The following ESR2 variants were observed in gnomAD, a reference collection of about 807,000 sequenced individuals.
ESR2 encodes the protein estrogen receptor 2.
ESR2 carries 36 observed loss-of-function variants against 49.6 expected under a neutral mutation model. That is an observed-to-expected ratio of 0.73 (90% CI 0.56 to 0.96). ESR2 has a LOEUF of 0.96. Ranked by LOEUF, ESR2 falls within the 40% of genes least tolerant of loss-of-function variation. ESR2 has a pLI of 0.00. For synonymous variants in ESR2, 320 were observed against 266.1 expected, an observed-to-expected ratio of 1.20 and a Z score of -1.97; for missense variants, 714 against 693.0, an observed-to-expected ratio of 1.03 and a Z score of -0.34.
chr14:64,279,910 A>G, intron 3 of ESR2, 71 bp downstream of exon 3: 1 of 1,300,486 alleles, frequency 7.7e-7, no homozygotes. Context: ...CATTTCTGCC[A>G]AGTCATCTCT....
At chr14:64,246,424 T>C (rs2075857168) in intron 7 of ESR2, among the ~76,000 whole-genome samples, 1 of 152,118 alleles carries the variant, frequency 6.6e-6, no homozygotes, top group African/African-American at 2.4e-5. Context: ...CTCTTCACTT[T>C]CCGCCATTAT....
At chr14:64,241,474 ATCAAT>A (rs2075727875) in intron 7 of ESR2, among the ~76,000 whole-genome samples, 1 of 152,212 alleles carries the variant, frequency 6.6e-6, no homozygotes, top group African/African-American at 2.4e-5. Flanking sequence ...GAATCAGCTT[ATCAAT>A]TTCTACCAAA....
At chr14:64,234,784 G>GA in intron 8 of ESR2, 186 bp downstream of exon 8, 1 of 1,305,270 alleles carries the variant, frequency 7.7e-7, no homozygotes, top group Non-Finnish European at 1.0e-6. Context: ...GATACCACAT[G>GA]ACATTCCTTC....
chr14:64,284,999 G>A lies in ESR2; in HGVS notation c.-90-1924C>T, dbSNP rs542928231. ...CGAGTAGCTGGGATTATAGGCGCCCGCCACCACGCCCAGCTAACTTTTTGT... is the reference window on the plus strand; with the variant it reads ...CGAGTAGCTGGGATTATAGGCGCCCACCACCACGCCCAGCTAACTTTTTGT... On this transcript the variant is annotated intron_variant, in intron 1 of 8. Transcript: ENST00000341099. 3.1e-3 allele frequency among the ~76,000 whole-genome samples: 471 copies of A among 152,018 alleles called. 1 individual carries two copies. Among genetic ancestry groups the A allele is most frequent in the African/African-American group, 0.011 (449 of 41,464 alleles).
At position 64,282,570 on chromosome 14, in the gene ESR2, A is replaced by G. The variant is rs533187797; in HGVS notation, c.362+54T>C. ...ATTATTTCCTTCTCACTCAACCATAAAGTGATTTGAGAAATGGCTAGCAAC... is the reference window on the plus strand; with the variant it reads ...ATTATTTCCTTCTCACTCAACCATAGAGTGATTTGAGAAATGGCTAGCAAC... On this transcript the variant is annotated intron_variant, in intron 2 of 8. Transcript: ENST00000341099. 24 of 1,512,912 alleles carry G rather than the reference A, an allele frequency of 1.6e-5. No individual in the cohort carries two copies. The African/African-American group carries it at 2.6e-4, about 17-fold the overall frequency. 93.7% of individuals were successfully genotyped at this position (1,512,912 alleles called of 1,614,324 possible).
chr14:64,276,412 T>C (rs59216189), intron 3 of ESR2, among the ~76,000 whole-genome samples: 14,118 of 152,216 alleles, frequency 0.093, 1,478 homozygotes, highest in African/African-American at 0.25. Flanking sequence ...AACCAAAAGA[T>C]ACTATACATC....
chr14:64,234,854 C>T, intron 8 of ESR2, 116 bp downstream of exon 8: 2 of 1,509,208 alleles, frequency 1.3e-6, no homozygotes. Context: ...TTCCCCATTC[C>T]CTTTCAGGCA....
chr14:64,233,263 G>A lies in ESR2; in HGVS notation c.1467C>T (p.Asp489=). The change falls in exon 9 of 9, where the codon GAC becomes GAT. Residue 489 remains aspartate, a synonymous_variant. Transcript: ENST00000341099. ...GGGCATTCAGCATCTCCAGCAGCAGGTCATACACTGGGACCACATTTTTGC... is the reference window on the plus strand; with the variant it reads ...GGGCATTCAGCATCTCCAGCAGCAGATCATACACTGGGACCACATTTTTGC... The part of the protein sequence containing the change: ...MKCKNVVPVY[D]LLLEMLNAHV... The A allele has an allele frequency of 6.2e-7, 1 of 1,614,184 alleles. No individual in the cohort carries two copies. Among genetic ancestry groups the A allele is most frequent in the South Asian group, 1.1e-5 (1 of 91,076 alleles).
At chr14:64,271,019 CTTATA>C (rs899023042) in intron 3 of ESR2, among the ~76,000 whole-genome samples, 11 of 152,168 alleles carry the variant, frequency 7.2e-5, no homozygotes, top group African/African-American at 2.4e-4. Context: ...TTCTATTACA[CTTATA>C]TTATTAACTA....
At chr14:64,296,980 GATT>G (rs1191854420), upstream of ESR2, among the ~76,000 whole-genome samples, 25 of 152,236 alleles carry the variant, frequency 1.6e-4, no homozygotes, top group Middle Eastern at 3.4e-3. Context: ...ATGATGAAGG[GATT>G]ATTCTTGAGG....
rs2077472882 is a variant in ESR2, at chr14:64,332,538, C to CGCCTGA, written c.-91+5359_-91+5360insTCAGGC. ...TACTGTAACCAGGCACGGTGGCTCA[C>CGCCTGA]GCCTGTAATCCCAGCACTTTGGGAG... On this transcript the variant is annotated intron_variant, in intron 1 of 8. Transcript: ENST00000358599. 2.0e-5 allele frequency among the ~76,000 whole-genome samples: 3 copies of CGCCTGA among 152,102 alleles called. No individual in the cohort carries two copies. In the South Asian group the frequency reaches 6.2e-4, roughly 32 times the overall value.
At chr14:64,255,489 G>C (rs2076080826) in intron 6 of ESR2, among the ~76,000 whole-genome samples, 1 of 152,184 alleles carries the variant, frequency 6.6e-6, no homozygotes. Context: ...CTGTTCTGCA[G>C]AATGTGCTCT....
At position 64,291,963 on chromosome 14, in the gene ESR2, G is replaced by C. The variant is rs146356501; in HGVS notation, c.-91+2070C>G. ...AAAGAATGATGCATTCTATTAATAT[G>C]ATATAAATAACTTTTAATGGCCTTG... On this transcript the variant is annotated intron_variant, in intron 1 of 8. Coordinates refer to ENST00000341099, the MANE Select transcript of ESR2 (RefSeq NM_001437.3). 1.3e-3 allele frequency among the ~76,000 whole-genome samples: 201 copies of C among 152,034 alleles called. 7 individuals are homozygous for C. In the East Asian group the frequency reaches 0.029, roughly 22 times the overall value.
intron 7 of ESR2, among the ~76,000 whole-genome samples, chr14:64,235,532 G>A (rs2075578464): frequency 6.6e-6 from 1 of 152,230 alleles, no homozygotes. Context: ...CCCCACGGAG[G>A]GCTCCCCATC....
chr14:64,264,178 A>T (rs529039378), intron 4 of ESR2, among the ~76,000 whole-genome samples: 1 of 152,322 alleles, frequency 6.6e-6, no homozygotes, highest in East Asian at 1.9e-4. Context: ...TACACCCATC[A>T]TTATGTTTAT....
At chr14:64,283,677 G>A (rs2076727372) in intron 1 of ESR2, among the ~76,000 whole-genome samples, 1 of 148,182 alleles carries the variant, frequency 6.7e-6, no homozygotes, top group African/African-American at 2.5e-5. Flanking sequence ...AAGCCCAGGA[G>A]GCAGAGGTTG....
chr14:64,245,939 A>T (rs2075847099), intron 7 of ESR2, among the ~76,000 whole-genome samples: 1 of 152,242 alleles, frequency 6.6e-6, no homozygotes, highest in Admixed American at 6.5e-5. Flanking sequence ...GTACTCTTCA[A>T]GCAGATCCTC....
At chr14:64,325,086 T>C (rs933975620) in intron 1 of ESR2, among the ~76,000 whole-genome samples, 3 of 152,164 alleles carry the variant, frequency 2.0e-5, no homozygotes, top group African/African-American at 7.2e-5. Flanking sequence ...TATTGACAAA[T>C]GCATTTCCAA....
intron 1 of ESR2, among the ~76,000 whole-genome samples, chr14:64,284,821 T>C (rs1044751417): frequency 6.6e-6 from 1 of 151,942 alleles, no homozygotes; most frequent in African/African-American, 2.4e-5. Flanking sequence ...TTTGCTGCCA[T>C]CTTGAAGTAA....
Sources: allele counts gnomAD v4.1 joint callset (sites outside exome capture counted in the v4.1 genomes callset), GRCh38; gene constraint gnomAD v4.1.1; transcripts MANE v1.5; gene names NCBI Gene and HGNC (gene_info 2026-07-23, HGNC 2026-07-21).